TG: variants seen among roughly 807,000 people sequenced by gnomAD.
TG encodes the protein thyroid hormones.
In TG, 270 loss-of-function variants were observed where a neutral mutation model predicts 324.7. That is an observed-to-expected ratio of 0.83 (90% CI 0.75 to 0.92). The LOEUF (loss-of-function observed/expected upper bound fraction) is 0.92, where lower values mean the gene tolerates loss of function less well. Among genes scored for constraint, TG ranks in the 40% least tolerant of loss-of-function variants. TG has a pLI of 0.00. For missense variants in TG, 3,591 were observed against 3,456.4 expected (o/e 1.04, Z -0.98); for synonymous variants, 1,401 against 1,327.0 (o/e 1.06, Z -1.21).
intron 27 of TG, among the ~76,000 whole-genome samples, chr8:132,955,933 C>T (rs1204725676): frequency 6.6e-6 from 1 of 152,224 alleles, no homozygotes; most frequent in Admixed American, 6.5e-5. Flanking sequence ...GTTTGTGCTC[C>T]TTCAGCCTTG....
At chr8:133,010,299 G>A (rs748795956) in intron 35 of TG, among the ~76,000 whole-genome samples, 5 of 152,138 alleles carry the variant, frequency 3.3e-5, no homozygotes, top group Middle Eastern at 3.2e-3. Context: ...GGGTGCTTTC[G>A]GGATCAAACA....
At chr8:132,958,921 A>G (rs574448761) in intron 27 of TG, among the ~76,000 whole-genome samples, 3 of 152,276 alleles carry the variant, frequency 2.0e-5, no homozygotes, top group African/African-American at 7.2e-5. Flanking sequence ...GACAAGGAGG[A>G]CAAATCCAGT....
chr8:132,974,782 T>C (rs1829993186), intron 34 of TG, among the ~76,000 whole-genome samples: 1 of 152,176 alleles, frequency 6.6e-6, no homozygotes. Context: ...ATATCCAACA[T>C]GAAAGATCCA....
chr8:132,893,650 G>C, intron 10 of TG, 40 bp from the exon 11 acceptor site: 2 of 1,612,842 alleles, frequency 1.2e-6, no homozygotes, highest in Non-Finnish European at 1.7e-6. Flanking sequence ...GGAAGTCCAC[G>C]TGGTGAGTGA....
At chr8:132,873,320 A>G (rs1304340141) in intron 5 of TG, 99 bp downstream of exon 5, 1 of 1,470,150 alleles carries the variant, frequency 6.8e-7, no homozygotes. Context: ...GTGCAGCATG[A>G]TAAGGAATTA....
At chr8:133,107,088 T>A (rs1264832807) in intron 43 of TG, among the ~76,000 whole-genome samples, 2 of 152,224 alleles carry the variant, frequency 1.3e-5, no homozygotes, top group East Asian at 3.8e-4. Flanking sequence ...TGTGTCAGCC[T>A]CTTTATAATC....
chr8:133,085,502 C>G (rs952756029), intron 41 of TG, among the ~76,000 whole-genome samples: 1 of 152,122 alleles, frequency 6.6e-6, no homozygotes, highest in African/African-American at 2.4e-5. Flanking sequence ...ACTTACAACT[C>G]AGTAACAAAA....
chr8:133,105,974 T>C (rs985509690), intron 43 of TG, among the ~76,000 whole-genome samples: 1 of 152,026 alleles, frequency 6.6e-6, no homozygotes, highest in Non-Finnish European at 1.5e-5. Context: ...GAGCCCACCA[T>C]GTAGACATGC....
chr8:132,967,677 C>T (rs1204980230), intron 30 of TG, 117 bp from the exon 31 acceptor site: 2 of 1,160,982 alleles, frequency 1.7e-6, no homozygotes, highest in African/African-American at 3.0e-5. Context: ...TCTCAGGCCT[C>T]TGCCCTAACT....
intron 41 of TG, chr8:133,038,615 A>G (rs773722295): frequency 8.1e-6 from 13 of 1,613,950 alleles, no homozygotes; most frequent in Non-Finnish European, 1.1e-5. Flanking sequence ...CTTTCGATCA[A>G]AGGAGGTGTT....
chr8:132,875,901 C>A (rs1028784523), intron 5 of TG, among the ~76,000 whole-genome samples: 6 of 151,952 alleles, frequency 3.9e-5, no homozygotes, highest in African/African-American at 1.5e-4. Context: ...TCTCTGGGCA[C>A]AGTGGAAGGA....
At chr8:133,012,116 C>T (rs1834567429) in intron 36 of TG, 81 bp downstream of exon 36, 2 of 1,579,968 alleles carry the variant, frequency 1.3e-6, no homozygotes, top group African/African-American at 1.3e-5. Context: ...CTTAGAAAAA[C>T]ACATGAGACA....
At chr8:133,031,081 G>A (rs935546732) in intron 41 of TG, among the ~76,000 whole-genome samples, 2 of 152,110 alleles carry the variant, frequency 1.3e-5, no homozygotes, top group Admixed American at 6.5e-5. Flanking sequence ...ACTACTATCC[G>A]TCGCCAGAAC....
intron 35 of TG, chr8:133,001,739 C>T: frequency 1.0e-6 from 1 of 985,460 alleles, no homozygotes; most frequent in Non-Finnish European, 1.2e-6. Context: ...GCCTCCAAGG[C>T]AGCTTCCAGT....
At chr8:132,930,683 CA>C (rs34491481) in intron 23 of TG, among the ~76,000 whole-genome samples, 68,590 of 128,792 alleles carry the variant, frequency 0.53, 18,164 homozygotes, top group East Asian at 0.76. Context: ...GAAACTCCGT[CA>C]AAAAAAAAAA....
chr8:132,898,068 G>A, intron 12 of TG, 101 bp from the exon 13 acceptor site: 1 of 1,192,542 alleles, frequency 8.4e-7, no homozygotes, highest in Non-Finnish European at 1.2e-6. Context: ...AGGCGACCAG[G>A]CTTGCACTGC....
chr8:132,871,644 G>A (rs2132048095), intron 4 of TG, 93 bp downstream of exon 4: 1 of 1,313,092 alleles, frequency 7.6e-7, no homozygotes, highest in Non-Finnish European at 1.1e-6. Flanking sequence ...TCCTGCCGAA[G>A]TGGGCAGAGA....
intron 35 of TG, among the ~76,000 whole-genome samples, chr8:133,007,019 T>A (rs73359326): frequency 0.019 from 2,914 of 152,332 alleles, 101 homozygotes; most frequent in African/African-American, 0.066. Context: ...AGTAAACTCC[T>A]GTCACCCAGG....
intron 45 of TG, among the ~76,000 whole-genome samples, chr8:133,129,813 A>G (rs1851812324): frequency 6.6e-6 from 1 of 152,184 alleles, no homozygotes; most frequent in African/African-American, 2.4e-5. Context: ...TTATCAGGTC[A>G]TGACCTTCTT....
Sources: allele counts gnomAD v4.1 joint callset (sites outside exome capture counted in the v4.1 genomes callset), GRCh38; gene constraint gnomAD v4.1.1; transcripts MANE v1.5; gene names NCBI Gene and HGNC (gene_info 2026-07-23, HGNC 2026-07-21).